Variants in GARRE1 observed in about 807,000 individuals in gnomAD.
The protein encoded by GARRE1 is granule associated Rac and RHOG effector 1.
A neutral mutation model predicts 103.2 loss-of-function variants in GARRE1; 49 were observed. The ratio of observed to expected loss-of-function variants is 0.47; its 90% CI spans 0.38 to 0.60. The LOEUF (loss-of-function observed/expected upper bound fraction) is 0.60, where lower values mean the gene tolerates loss of function less well. GARRE1 is among the 20% of genes least tolerant of loss of function. The pLI is 0.00. For missense variants in GARRE1, 1,199 were observed against 1,370.5 expected (o/e 0.87, Z 1.98); for synonymous variants, 505 against 532.8 (o/e 0.95, Z 0.72).
chr19:34,269,741 G>A (rs2073775163), intron 1 of GARRE1, among the ~76,000 whole-genome samples: 1 of 152,022 alleles, frequency 6.6e-6, no homozygotes, highest in Admixed American at 6.6e-5. Flanking sequence ...TTTTGTTTTA[G>A]TAGCTACCTC....
chr19:34,315,186 G>A (rs2074054392), intron 2 of GARRE1, among the ~76,000 whole-genome samples: 1 of 152,200 alleles, frequency 6.6e-6, no homozygotes, highest in African/African-American at 2.4e-5. Flanking sequence ...AGTTCATGAA[G>A]TTGAGCAGAA....
intron 6 of GARRE1, among the ~76,000 whole-genome samples, chr19:34,329,083 C>T (rs1216454223): frequency 6.6e-6 from 1 of 152,154 alleles, no homozygotes; most frequent in Non-Finnish European, 1.5e-5. Context: ...TCATGTGTTC[C>T]AGTCATTGTG....
At chr19:34,325,816 T>C (rs2074109035) in intron 3 of GARRE1, among the ~76,000 whole-genome samples, 1 of 152,156 alleles carries the variant, frequency 6.6e-6, no homozygotes. Flanking sequence ...GATGTGTCTT[T>C]CTTTGTTACC....
At chr19:34,340,136 T>C in intron 9 of GARRE1, 144 bp downstream of exon 9, 2 of 805,098 alleles carry the variant, frequency 2.5e-6, no homozygotes, top group Non-Finnish European at 3.9e-6. Context: ...TTCAGAATAA[T>C]TTAAAACCTG....
chr19:34,322,553 C>CT (rs2074094069), intron 3 of GARRE1, among the ~76,000 whole-genome samples: 1 of 152,088 alleles, frequency 6.6e-6, no homozygotes. Flanking sequence ...GAAGTTGAGA[C>CT]TTTAGGACTT....
intron 1 of GARRE1, among the ~76,000 whole-genome samples, chr19:34,279,538 G>C (rs973430857): frequency 6.6e-6 from 1 of 151,788 alleles, no homozygotes; most frequent in Non-Finnish European, 1.5e-5. Context: ...TCTGTGTTTT[G>C]TTTATTTTAA....
At chr19:34,255,085 G>T (rs1179927724) in intron 1 of GARRE1, among the ~76,000 whole-genome samples, 2 of 152,014 alleles carry the variant, frequency 1.3e-5, no homozygotes, top group African/African-American at 4.8e-5. Context: ...CCATCCCGGG[G>T]CTGCCGGGCG....
chr19:34,283,668 G>A (rs541552805), intron 1 of GARRE1, among the ~76,000 whole-genome samples: 5 of 152,140 alleles, frequency 3.3e-5, no homozygotes, highest in African/African-American at 1.2e-4. Flanking sequence ...TTAGTCAGAC[G>A]CCCAGGGCCA....
intron 2 of GARRE1, among the ~76,000 whole-genome samples, chr19:34,315,757 G>C (rs2074057667): frequency 6.8e-6 from 1 of 146,684 alleles, no homozygotes. Context: ...TGCTCCAAAT[G>C]GGAAGGCCTT....
At chr19:34,347,740 C>T in intron 10 of GARRE1, 137 bp from the exon 11 acceptor site, 1 of 808,612 alleles carries the variant, frequency 1.2e-6, no homozygotes, top group South Asian at 2.2e-5. Flanking sequence ...AGCCTACAGC[C>T]CACGCTGTGG....
At chr19:34,346,194 A>T (rs2074210155) in intron 10 of GARRE1, among the ~76,000 whole-genome samples, 1 of 152,190 alleles carries the variant, frequency 6.6e-6, no homozygotes, top group African/African-American at 2.4e-5. Flanking sequence ...TATCTTCCCT[A>T]ATTTTAAGCT....
At chr19:34,342,584 C>G in intron 10 of GARRE1, 129 bp downstream of exon 10, 1 of 842,368 alleles carries the variant, frequency 1.2e-6, no homozygotes, top group Non-Finnish European at 1.8e-6. Context: ...ACGACCCTTT[C>G]TCACTGTGGA....
intron 3 of GARRE1, among the ~76,000 whole-genome samples, chr19:34,323,266 C>T (rs967618169): frequency 2.0e-5 from 3 of 151,266 alleles, no homozygotes; most frequent in Non-Finnish European, 3.0e-5. Flanking sequence ...CTCCTGACCC[C>T]GTGGTCTGCC....
intron 2 of GARRE1, among the ~76,000 whole-genome samples, chr19:34,318,289 CAG>C (rs1208271864): frequency 6.6e-6 from 1 of 152,222 alleles, no homozygotes; most frequent in African/African-American, 2.4e-5. Flanking sequence ...TGCCACAAGG[CAG>C]AGAGTCCACG....
chr19:34,322,909 A>G (rs1426291627), intron 3 of GARRE1, among the ~76,000 whole-genome samples: 1 of 151,888 alleles, frequency 6.6e-6, no homozygotes, highest in Non-Finnish European at 1.5e-5. Flanking sequence ...TTTTTAAACT[A>G]TCCCAGCAGG....
intron 1 of GARRE1, among the ~76,000 whole-genome samples, chr19:34,291,772 A>G (rs1568531730): frequency 6.6e-6 from 1 of 152,226 alleles, no homozygotes; most frequent in South Asian, 2.1e-4. Flanking sequence ...ATTTCAAGCC[A>G]TAGCAACCAC....
intron 1 of GARRE1, among the ~76,000 whole-genome samples, chr19:34,259,456 T>A (rs1291333927): frequency 6.6e-6 from 1 of 152,208 alleles, no homozygotes; most frequent in African/African-American, 2.4e-5. Context: ...ACAGCCCAGT[T>A]ACTTTACTGG....
At chr19:34,296,194 A>T (rs1315755619) in intron 1 of GARRE1, 1 of 474,210 alleles carries the variant, frequency 2.1e-6, no homozygotes, top group Non-Finnish European at 3.7e-6. Context: ...CAAATAGCAC[A>T]GGAGGATCCC....
chr19:34,275,476 C>G (rs1450163133), intron 1 of GARRE1, among the ~76,000 whole-genome samples: 1 of 151,820 alleles, frequency 6.6e-6, no homozygotes, highest in African/African-American at 2.4e-5. Flanking sequence ...GTAATTGGTA[C>G]AGTTCATATT....
Sources: allele counts gnomAD v4.1 joint callset (sites outside exome capture counted in the v4.1 genomes callset), GRCh38; gene constraint gnomAD v4.1.1; transcripts MANE v1.5; gene names NCBI Gene and HGNC (gene_info 2026-07-23, HGNC 2026-07-21).